The following ZNF562 variants were observed in gnomAD, a reference collection of about 807,000 sequenced individuals.
ZNF562 encodes the protein zinc finger protein 562.
A neutral mutation model predicts 17.5 loss-of-function variants in ZNF562; 13 were observed. The ratio of observed to expected loss-of-function variants is 0.74; its 90% confidence interval spans 0.48 to 1.18. The LOEUF (loss-of-function observed/expected upper bound fraction) is 1.18, where lower values mean the gene tolerates loss of function less well. Ranked by LOEUF, ZNF562 falls within the 50% of genes most tolerant of loss-of-function variation. ZNF562 has a pLI of 0.00. For missense variants in ZNF562, 481 were observed against 498.5 expected (o/e 0.96, Z 0.33); for synonymous variants, 163 against 165.4 (o/e 0.99, Z 0.11).
intron 3 of ZNF562, 120 bp from the exon 4 acceptor site, chr19:9,658,255 T>C: frequency 7.3e-7 from 1 of 1,377,660 alleles, no homozygotes; most frequent in Non-Finnish European, 9.5e-7. Context: ...TCCCATGATC[T>C]ACTCCAGGGT....
chr19:9,672,688 G>A (rs1384784696), intron 1 of ZNF562, among the ~76,000 whole-genome samples: 1 of 151,486 alleles, frequency 6.6e-6, no homozygotes, highest in Non-Finnish European at 1.5e-5. Flanking sequence ...TTTCTTCCTG[G>A]TTCCTGGAGG....
intron 1 of ZNF562, among the ~76,000 whole-genome samples, chr19:9,674,137 GCTAAA>G (rs1318814471): frequency 6.6e-6 from 1 of 152,188 alleles, no homozygotes; most frequent in East Asian, 1.9e-4. Context: ...GACCCCACAG[GCTAAA>G]CTAATTCCAA....
rs897627686 is a variant in ZNF562, at chr19:9,643,157, C to T, written c.*9792G>A. On this transcript the variant is annotated 3_prime_UTR_variant, in exon 6 of 6. Transcript: ENST00000453372. ...CAGGGGGGTCTCAGGAGTTCAAGAC[C>T]ATCCTGGCCAACATGGCAAAACCCC... 2.6e-5 allele frequency: 4 copies of T among 151,920 alleles called. No individual in the cohort carries two copies. Among genetic ancestry groups the T allele is most frequent in the Admixed American group, 2.6e-4 (4 of 15,224 alleles). The allele number at this position is 151,920 out of a possible 1,614,324, so 9.4% of individuals were successfully genotyped here.
chr19:9,668,571 T>C (rs2044034996), intron 1 of ZNF562, among the ~76,000 whole-genome samples: 1 of 151,938 alleles, frequency 6.6e-6, no homozygotes, highest in African/African-American at 2.4e-5. Flanking sequence ...GCAACCGTTA[T>C]CAAAATAGCA....
intron 1 of ZNF562, among the ~76,000 whole-genome samples, chr19:9,662,350 G>C: frequency 6.6e-6 from 1 of 151,358 alleles, no homozygotes; most frequent in East Asian, 2.0e-4. Flanking sequence ...GAGGCAGGCA[G>C]ATCACCTGAG....
intron 4 of ZNF562, among the ~76,000 whole-genome samples, chr19:9,657,405 C>A (rs539342446): frequency 1.3e-3 from 184 of 146,642 alleles, no homozygotes; most frequent in Non-Finnish European, 2.0e-3. Flanking sequence ...AAAAAAAAAA[C>A]CAAAAAAAAC....
chr19:9,656,598 T>C lies in ZNF562; in HGVS notation c.297A>G (p.Ser99=). 6.2e-7 allele frequency: 1 copy of C among 1,614,128 alleles called. No homozygotes were observed. Among genetic ancestry groups the C allele is most frequent in the Non-Finnish European group, 8.5e-7 (1 of 1,180,012 alleles). Residue 99 remains serine, a synonymous_variant, in exon 5 of 6, where the codon TCA becomes TCG. Transcript: ENST00000453372. Reference sequence around the variant, plus strand: ...TCTTCAAAAAACCCTGCTGAAGTGATGACCGTTTGGTTCTAGGTTGTATTT... The same window carrying C: ...TCTTCAAAAAACCCTGCTGAAGTGACGACCGTTTGGTTCTAGGTTGTATTT... ...EWEIQPRTKR[S]SLQQGFLKNQ...
rs546845821 is a variant in ZNF562, at chr19:9,648,813, T to G, written c.*4136A>C. ...TCATTGAAGTATTTATTAGGTACCA[T>G]CATGAGCTAGGTGCAGTTCTAGGTA... On this transcript the variant is annotated 3_prime_UTR_variant, in exon 6 of 6. Coordinates refer to ENST00000453372, the MANE Select transcript of ZNF562 (RefSeq NM_001130031.2). The G allele has an allele frequency of 1.6e-4, 24 of 152,186 alleles. No individual in the cohort carries two copies. Among genetic ancestry groups the G allele is most frequent in the African/African-American group, 5.1e-4 (21 of 41,522 alleles). 9.4% of individuals were successfully genotyped at this position (152,186 alleles called of 1,614,324 possible).
intron 5 of ZNF562, among the ~76,000 whole-genome samples, chr19:9,655,373 G>GGTATGGA (rs1261669744): frequency 6.6e-6 from 1 of 152,138 alleles, no homozygotes; most frequent in Non-Finnish European, 1.5e-5. Context: ...ATTTTTCAGT[G>GGTATGGA]ACAAGTTATA....
chr19:9,667,635 C>G (rs556837525), intron 1 of ZNF562, among the ~76,000 whole-genome samples: 6 of 152,176 alleles, frequency 3.9e-5, no homozygotes, highest in South Asian at 2.1e-4. Context: ...CTCTGTTGCT[C>G]AGGCTAGAAT....
chr19:9,658,225 T>C (rs2043594019), intron 3 of ZNF562, 90 bp from the exon 4 acceptor site: 1 of 1,454,098 alleles, frequency 6.9e-7, no homozygotes, highest in African/African-American at 1.4e-5. Flanking sequence ...TTATACTCAC[T>C]TATACGTGGT....
rs1245237049 is a variant in ZNF562 at position 9,646,411 on chromosome 19, A to G, written c.*6538T>C. The G allele has an allele frequency of 1.3e-5, 2 of 152,124 alleles. No individual in the cohort carries two copies. The highest frequency in any genetic ancestry group is 2.9e-5 in the Non-Finnish European group (2 of 68,018). 9.4% of individuals were successfully genotyped at this position (152,124 alleles called of 1,614,324 possible). Reference sequence around the variant, plus strand: ...AAACTCCAGCTAAAGTATGTATAAAAAGACACATTTTTTTAAAAAGCATAC... The same window carrying G: ...AAACTCCAGCTAAAGTATGTATAAAGAGACACATTTTTTTAAAAAGCATAC... On this transcript the variant is annotated 3_prime_UTR_variant, in exon 6 of 6. Coordinates refer to ENST00000453372, the MANE Select transcript of ZNF562 (RefSeq NM_001130031.2).
intron 5 of ZNF562, among the ~76,000 whole-genome samples, chr19:9,654,377 C>T (rs569104747): frequency 8.1e-4 from 124 of 152,288 alleles, no homozygotes; most frequent in Middle Eastern, 3.4e-3. Context: ...TAACCTCAAA[C>T]GCCTGGCTGG....
intron 1 of ZNF562, among the ~76,000 whole-genome samples, chr19:9,665,193 G>T (rs2043905869): frequency 6.7e-6 from 1 of 149,040 alleles, no homozygotes. Flanking sequence ...CTGCACTCCA[G>T]CCTGGGGACA....
In ZNF562 at chr19:9,656,537, T is replaced by C. The variant is rs1270735710; in HGVS notation, c.348+10A>G. ...AGAAGAAAAAAATAAGTATCCCTCA[T>C]GAATCTTACCATTTGTATCCCAGTG... On this transcript the variant is annotated intron_variant, in intron 5 of 5. Coordinates refer to ENST00000453372, the MANE Select transcript of ZNF562 (RefSeq NM_001130031.2). 2 of 1,612,462 alleles carry C rather than the reference T, an allele frequency of 1.2e-6. No individual in the cohort carries two copies. The highest frequency in any genetic ancestry group is 1.1e-5 in the South Asian group (1 of 91,036).
chr19:9,669,730 GCGCGCACACA>G (rs1450540000), intron 1 of ZNF562, among the ~76,000 whole-genome samples: 146 of 86,946 alleles, frequency 1.7e-3, no homozygotes, highest in African/African-American at 5.4e-3. Context: ...GCGCGCGCGC[GCGCGCACACA>G]CACACACACA....
chr19:9,646,333 G>A lies in ZNF562; in HGVS notation c.*6616C>T, dbSNP rs111387003. On this transcript the variant is annotated 3_prime_UTR_variant, in exon 6 of 6. Transcript: ENST00000453372. ...TGATCACCTGCCTTGGCCTCCCAAAGTGCTGTGATTACAGACATCAGCCAC... is the reference window on the plus strand; with the variant it reads ...TGATCACCTGCCTTGGCCTCCCAAAATGCTGTGATTACAGACATCAGCCAC... The A allele has an allele frequency of 1.6e-4, 25 of 152,218 alleles. No homozygotes were observed. The highest frequency in any genetic ancestry group is 5.5e-4 in the African/African-American group (23 of 41,530). 9.4% of individuals were successfully genotyped at this position (152,218 alleles called of 1,614,324 possible).
rs2074811336 is a variant in ZNF562 at position 9,646,966 on chromosome 19, C to G, written c.*5983G>C. On this transcript the variant is annotated 3_prime_UTR_variant, in exon 6 of 6. Coordinates refer to ENST00000453372, the MANE Select transcript of ZNF562 (RefSeq NM_001130031.2). ...TTATTTTTTGAATTTTTAGTAGAGA[C>G]AAAAGTTTCACCGCATTGGCCAGGC... 6.6e-6 allele frequency: 1 copy of G among 151,486 alleles called. No individual in the cohort carries two copies. The highest frequency in any genetic ancestry group is 2.1e-4 in the South Asian group (1 of 4,782). 9.4% of individuals were successfully genotyped at this position (151,486 alleles called of 1,614,324 possible). A position where few individuals can be genotyped will look rare whatever the true frequency, so the allele number is the denominator to read the frequency against.
At position 9,673,984 on chromosome 19, in the gene ZNF562, C is replaced by A. The variant is rs544586989; in HGVS notation, c.-131+1031G>T. 3.9e-5 allele frequency among the ~76,000 whole-genome samples: 6 copies of A among 152,284 alleles called. No individual in the cohort carries two copies. In the East Asian group the frequency reaches 1.2e-3, roughly 29 times the overall value. On this transcript the variant is annotated intron_variant, in intron 1 of 5. Transcript: ENST00000453372. ...CAAATATAACATTTTCTTTTCTCAG[C>A]AAGGCAATTTACTTCTACAGAAGGG...
Sources: gnomAD v4.1 joint callset for allele counts (sites outside exome capture counted in the v4.1 genomes callset) on GRCh38, gnomAD v4.1.1 for gene constraint, MANE v1.5 for transcripts, NCBI Gene and HGNC (gene_info 2026-07-23, HGNC 2026-07-21) for gene names.